Variants in UNC80 observed in about 807,000 individuals in gnomAD.
UNC80 encodes unc-80 subunit of NALCN channel complex, also known as protein unc-80 homolog.
UNC80 carries 164 observed loss-of-function variants against 384.6 expected under a neutral mutation model. The ratio of observed to expected loss-of-function variants is 0.43; its 90% CI spans 0.38 to 0.49. The LOEUF is 0.49. UNC80 is among the 20% of genes least tolerant of loss of function. UNC80 has a pLI of 0.00. For synonymous variants in UNC80, 1,486 were observed against 1,527.8 expected (o/e 0.97, Z 0.64); for missense variants, 3,330 against 4,143.0 (o/e 0.80, Z 5.39).
intron 48 of UNC80, 111 bp downstream of exon 48, chr2:209,954,381 A>G: frequency 2.7e-6 from 3 of 1,119,482 alleles, no homozygotes; most frequent in Non-Finnish European, 3.6e-6. Flanking sequence ...ATCTTTATTT[A>G]CAGATACCTC....
chr2:209,788,904 A>G (rs1288858209), intron 5 of UNC80, among the ~76,000 whole-genome samples: 1 of 152,188 alleles, frequency 6.6e-6, no homozygotes, highest in African/African-American at 2.4e-5. Flanking sequence ...TGCAAGCTCC[A>G]TTCATGGTAA....
intron 16 of UNC80, 62 bp downstream of exon 16, chr2:209,831,653 T>C: frequency 7.1e-7 from 1 of 1,414,324 alleles, no homozygotes. Flanking sequence ...AAAGTACTCA[T>C]TGTCGTGGCC....
chr2:209,825,827 T>C (rs2080476679), intron 13 of UNC80, 80 bp from the exon 14 acceptor site: 1 of 1,268,598 alleles, frequency 7.9e-7, no homozygotes, highest in African/African-American at 1.5e-5. Context: ...CTTGATTTAA[T>C]CATACAATAG....
chr2:209,783,103 T>C (rs10490022), intron 4 of UNC80, among the ~76,000 whole-genome samples: 22,301 of 152,096 alleles, frequency 0.15, 2,459 homozygotes, highest in African/African-American at 0.3. Context: ...TGTAAGCTAC[T>C]AGTAAATACA....
chr2:209,846,322 T>C (rs1334421534), intron 21 of UNC80, among the ~76,000 whole-genome samples: 1 of 152,144 alleles, frequency 6.6e-6, no homozygotes, highest in Non-Finnish European at 1.5e-5. Flanking sequence ...GCTTTTTCTT[T>C]TGTGTTTTCA....
intron 33 of UNC80, 41 bp from the exon 34 acceptor site, chr2:209,921,459 A>C: frequency 6.6e-7 from 1 of 1,516,098 alleles, no homozygotes; most frequent in South Asian, 1.3e-5. Flanking sequence ...GACCTTGCAG[A>C]AGAATTGCTA....
chr2:209,866,490 C>CACACACAAACACA (rs1559226593), intron 22 of UNC80, among the ~76,000 whole-genome samples: 4 of 107,644 alleles, frequency 3.7e-5, no homozygotes, highest in African/African-American at 1.4e-4. Context: ...AAATGCACCC[C>CACACACAAACACA]CACACACACA....
intron 22 of UNC80, among the ~76,000 whole-genome samples, chr2:209,869,483 G>A (rs897353526): frequency 4.6e-5 from 7 of 152,004 alleles, no homozygotes; most frequent in African/African-American, 7.2e-5. Flanking sequence ...ATTATTGCCC[G>A]TAGATTTGTA....
chr2:209,924,663 C>T (rs2090289589), intron 35 of UNC80, among the ~76,000 whole-genome samples: 1 of 152,060 alleles, frequency 6.6e-6, no homozygotes, highest in South Asian at 2.1e-4. Flanking sequence ...TTTGCAAGCC[C>T]CCTAGAAATC....
chr2:209,975,346 C>T (rs373817153), intron 56 of UNC80, among the ~76,000 whole-genome samples: 2 of 152,240 alleles, frequency 1.3e-5, no homozygotes, highest in East Asian at 3.9e-4. Flanking sequence ...GATGTCTTCA[C>T]AATACTCTGG....
At chr2:209,984,544 A>G (rs1040775725) in intron 60 of UNC80, among the ~76,000 whole-genome samples, 8 of 152,176 alleles carry the variant, frequency 5.3e-5, no homozygotes, top group African/African-American at 1.9e-4. Context: ...CATCTTCTAC[A>G]GATTCATTCT....
At chr2:209,945,809 C>T in intron 46 of UNC80, 38 bp from the exon 47 acceptor site, 3 of 1,415,426 alleles carry the variant, frequency 2.1e-6, no homozygotes, top group Non-Finnish European at 2.9e-6. Context: ...CCTGCAAAAT[C>T]CACTCTGATA....
chr2:209,844,976 G>T (rs2124829620), intron 21 of UNC80: 1 of 151,900 alleles, frequency 6.6e-6, no homozygotes, highest in East Asian at 1.9e-4. Flanking sequence ...AATTTGTCTT[G>T]AAGCTCTAAT....
chr2:209,802,916 A>G (rs1028384154), intron 7 of UNC80, among the ~76,000 whole-genome samples: 24 of 152,240 alleles, frequency 1.6e-4, no homozygotes, highest in African/African-American at 5.5e-4. Context: ...CTTGCTGGAT[A>G]TTGGCTGGTG....
intron 38 of UNC80, 81 bp downstream of exon 38, chr2:209,931,135 C>T (rs2090829891): frequency 1.9e-6 from 2 of 1,037,052 alleles, no homozygotes. Context: ...AATAAATTTC[C>T]ATTAATTACA....
chr2:209,929,567 CT>C (rs1312521085), intron 36 of UNC80, among the ~76,000 whole-genome samples: 4 of 152,150 alleles, frequency 2.6e-5, no homozygotes, highest in Admixed American at 2.6e-4. Flanking sequence ...GTGCTGACTG[CT>C]GCTATTATTG....
At chr2:209,921,406 C>A in intron 33 of UNC80, 94 bp from the exon 34 acceptor site, 3 of 1,237,570 alleles carry the variant, frequency 2.4e-6, no homozygotes, top group Non-Finnish European at 3.3e-6. Context: ...TGAGGACAAA[C>A]TACTACGTTT....
Position 209,809,436 on chromosome 2 carries a change from C to T in UNC80, c.939-4144C>T, listed in dbSNP as rs527829585. 4.1e-6 allele frequency: 6 copies of T among 1,469,112 alleles called. No individual in the cohort carries two copies. The East Asian group carries it at 6.8e-5, about 17-fold the overall frequency. The allele number at this position is 1,469,112 out of a possible 1,614,324, so 91.0% of individuals were successfully genotyped here. ...CCTGTACCCACTGCAGCCGTGCCTT[C>T]GCCGACCGCTCCAACCTGCGGGCCC... is the stretch of plus-strand genomic sequence containing the variant. On this transcript the variant is annotated intron_variant, in intron 7 of 64. Transcript: ENST00000673920.
At chr2:209,960,295 C>G (rs1257959438) in intron 51 of UNC80, among the ~76,000 whole-genome samples, 1 of 152,206 alleles carries the variant, frequency 6.6e-6, no homozygotes, top group Non-Finnish European at 1.5e-5. Context: ...ATGTTTTACT[C>G]TTAGTGTGCT....
Sources: gnomAD v4.1 joint callset for allele counts (sites outside exome capture counted in the v4.1 genomes callset) on GRCh38, gnomAD v4.1.1 for gene constraint, MANE v1.5 for transcripts, NCBI Gene and HGNC (gene_info 2026-07-23, HGNC 2026-07-21) for gene names.